Variants in TAFA1 observed in about 807,000 individuals in gnomAD.
TAFA1 encodes TAFA chemokine like family member 1, also known as chemokine-like protein TAFA-1.
TAFA1 carries 4 observed loss-of-function variants against 18.5 expected under a neutral mutation model. That is an observed-to-expected ratio of 0.22 (90% CI 0.11 to 0.49). The LOEUF is 0.49. Ranked by LOEUF, TAFA1 falls within the 20% of genes least tolerant of loss-of-function variation. The probability of loss-of-function intolerance (pLI) is 0.98; values close to 1 mark genes in which losing one functional copy is unlikely to be tolerated. For synonymous variants in TAFA1, 56 were observed against 55.2 expected (o/e 1.01, Z -0.06); for missense variants, 147 against 169.0 (o/e 0.87, Z 0.72).
intron 3 of TAFA1, among the ~76,000 whole-genome samples, chr3:68,529,436 TAAAAA>T (rs533214097): frequency 1.0e-4 from 8 of 77,068 alleles, no homozygotes; most frequent in South Asian, 5.0e-4. Flanking sequence ...CACCATTCTC[TAAAAA>T]AAAAAAAAAA....
chr3:68,378,990 T>A (rs2069875265), intron 2 of TAFA1, among the ~76,000 whole-genome samples: 2 of 152,162 alleles, frequency 1.3e-5, no homozygotes, highest in Admixed American at 1.3e-4. Flanking sequence ...TCTCGGGTAT[T>A]TCTTTATAGT....
chr3:68,440,547 G>C (rs2071357830), intron 3 of TAFA1, among the ~76,000 whole-genome samples: 1 of 152,148 alleles, frequency 6.6e-6, no homozygotes, highest in South Asian at 2.1e-4. Flanking sequence ...GTCATAGCTG[G>C]TATTAATGAC....
chr3:68,428,463 C>A (rs1192761670), intron 3 of TAFA1, among the ~76,000 whole-genome samples: 1 of 151,806 alleles, frequency 6.6e-6, no homozygotes, highest in Non-Finnish European at 1.5e-5. Context: ...AGCCTCCTAC[C>A]CTGCATAGGT....
intron 3 of TAFA1, among the ~76,000 whole-genome samples, chr3:68,501,202 T>A (rs1575928199): frequency 6.9e-6 from 1 of 144,092 alleles, no homozygotes; most frequent in Non-Finnish European, 1.5e-5. Context: ...GAGCCAAAAA[T>A]CTGTAAATAT....
At chr3:68,539,692 G>GGT (rs2073340394) in intron 4 of TAFA1, among the ~76,000 whole-genome samples, 2 of 74,570 alleles carry the variant, frequency 2.7e-5, no homozygotes, top group African/African-American at 1.0e-4. Context: ...GGGGCATGGG[G>GGT]TGGGTGGGTG....
chr3:68,313,708 A>G (rs2068560261), intron 2 of TAFA1, among the ~76,000 whole-genome samples: 1 of 152,220 alleles, frequency 6.6e-6, no homozygotes. Flanking sequence ...GAGTACAGAA[A>G]ATAAAAGCCC....
chr3:68,460,611 C>T (rs191524352), intron 3 of TAFA1, among the ~76,000 whole-genome samples: 8 of 152,288 alleles, frequency 5.3e-5, no homozygotes, highest in African/African-American at 1.7e-4. Flanking sequence ...GAGCATCTCT[C>T]GCTCCTTCCT....
At chr3:68,313,033 G>T (rs184464553) in intron 2 of TAFA1, among the ~76,000 whole-genome samples, 1 of 152,154 alleles carries the variant, frequency 6.6e-6, no homozygotes, top group African/African-American at 2.4e-5. Context: ...TTTTAAAGTC[G>T]TCAGATCTCA....
chr3:68,120,245 CTTTCT>C (rs1301441755), intron 2 of TAFA1, among the ~76,000 whole-genome samples: 3 of 65,208 alleles, frequency 4.6e-5, no homozygotes, highest in Non-Finnish European at 6.6e-5. Context: ...TTCTTTCTTT[CTTTCT>C]TTCTTTCTTT....
intron 3 of TAFA1, among the ~76,000 whole-genome samples, chr3:68,511,311 T>C (rs1015551623): frequency 1.3e-5 from 2 of 152,162 alleles, no homozygotes; most frequent in Non-Finnish European, 2.9e-5. Flanking sequence ...GTGCAAATAC[T>C]ACTATTAGCA....
chr3:68,014,423 CT>C (rs951923504), intron 2 of TAFA1, among the ~76,000 whole-genome samples: 1 of 152,114 alleles, frequency 6.6e-6, no homozygotes, highest in African/African-American at 2.4e-5. Flanking sequence ...CACATTAAGC[CT>C]TTTTAAAAAA....
intron 2 of TAFA1, among the ~76,000 whole-genome samples, chr3:68,077,672 C>T (rs990616254): frequency 8.6e-5 from 13 of 152,036 alleles, no homozygotes; most frequent in Non-Finnish European, 1.8e-4. Flanking sequence ...ATCTATATCT[C>T]TATTTTGGTA....
chr3:68,057,308 T>C (rs114142676), intron 2 of TAFA1, among the ~76,000 whole-genome samples: 1 of 152,308 alleles, frequency 6.6e-6, no homozygotes, highest in African/African-American at 2.4e-5. Context: ...AACTCCTGTA[T>C]TCACCCAAGG....
At chr3:68,408,336 A>G (rs1016133727) in intron 2 of TAFA1, among the ~76,000 whole-genome samples, 2 of 152,126 alleles carry the variant, frequency 1.3e-5, no homozygotes, top group Non-Finnish European at 2.9e-5. Flanking sequence ...TTTCATTTTA[A>G]AGCTATTTCA....
intron 2 of TAFA1, among the ~76,000 whole-genome samples, chr3:68,386,322 A>G (rs899962880): frequency 7.2e-5 from 11 of 152,204 alleles, no homozygotes; most frequent in Non-Finnish European, 1.3e-4. Context: ...TCACAATCGT[A>G]ATCATATCAC....
intron 3 of TAFA1, among the ~76,000 whole-genome samples, chr3:68,527,012 G>C (rs1211835315): frequency 3.3e-5 from 5 of 152,074 alleles, no homozygotes; most frequent in Non-Finnish European, 7.4e-5. Flanking sequence ...TAAGATACAA[G>C]GTATATACAG....
At chr3:68,096,543 C>A (rs1418127815) in intron 2 of TAFA1, among the ~76,000 whole-genome samples, 1 of 152,108 alleles carries the variant, frequency 6.6e-6, no homozygotes, top group Non-Finnish European at 1.5e-5. Context: ...GTTCTTTCAA[C>A]AATCCTGTAA....
chr3:68,256,721 G>T (rs1394499839), intron 2 of TAFA1, among the ~76,000 whole-genome samples: 3 of 152,064 alleles, frequency 2.0e-5, no homozygotes, highest in Non-Finnish European at 4.4e-5. Flanking sequence ...AAGACTGGAG[G>T]GTTAATTATA....
chr3:68,475,918 G>T (rs1372144522), intron 3 of TAFA1, among the ~76,000 whole-genome samples: 2 of 152,174 alleles, frequency 1.3e-5, no homozygotes, highest in African/African-American at 4.8e-5. Flanking sequence ...CAGTGATGAG[G>T]AGCATTTTTT....
Sources: allele counts gnomAD v4.1 joint callset (sites outside exome capture counted in the v4.1 genomes callset), GRCh38; gene constraint gnomAD v4.1.1; transcripts MANE v1.5; gene names NCBI Gene and HGNC (gene_info 2026-07-23, HGNC 2026-07-21).